Variants in CAP2 observed in about 807,000 individuals in gnomAD.
The protein encoded by CAP2 is cyclase associated actin cytoskeleton regulatory protein 2.
A neutral mutation model predicts 57.7 loss-of-function variants in CAP2; 24 were observed. The observed-to-expected ratio is 0.42, with a 90% CI of 0.30 to 0.58. The LOEUF is 0.58. CAP2 is among the 20% of genes least tolerant of loss of function. The pLI is 0.22. For synonymous variants in CAP2, 194 were observed against 207.2 expected (o/e 0.94, Z 0.55); for missense variants, 501 against 590.3 (o/e 0.85, Z 1.57).
intron 3 of CAP2, among the ~76,000 whole-genome samples, chr6:17,461,006 G>A (rs747463785): frequency 1.1e-4 from 17 of 152,176 alleles, no homozygotes; most frequent in African/African-American, 2.9e-4. Flanking sequence ...AAAGTTAGCC[G>A]AGTGTGGTGG....
At chr6:17,529,358 C>G (rs370826755) in intron 7 of CAP2, among the ~76,000 whole-genome samples, 3 of 151,686 alleles carry the variant, frequency 2.0e-5, no homozygotes, top group African/African-American at 7.3e-5. Flanking sequence ...TAAACACACT[C>G]TGTCTGGGCG....
intron 6 of CAP2, among the ~76,000 whole-genome samples, chr6:17,511,501 G>C (rs1305126667): frequency 6.6e-6 from 1 of 152,006 alleles, no homozygotes; most frequent in Admixed American, 6.6e-5. Flanking sequence ...ACCTAGGCTG[G>C]AGTGCAGTGA....
intron 4 of CAP2, among the ~76,000 whole-genome samples, chr6:17,496,921 G>A (rs187628820): frequency 6.6e-6 from 1 of 152,312 alleles, no homozygotes; most frequent in Admixed American, 6.5e-5. Flanking sequence ...TAAGAGGAGA[G>A]AGACAGTGAC....
At position 17,554,499 on chromosome 6, in the gene CAP2, C is replaced by G. The variant is rs1763248608; in HGVS notation, c.1351-1860C>G. 2.0e-5 allele frequency among the ~76,000 whole-genome samples: 3 copies of G among 152,272 alleles called. No homozygotes were observed. In the South Asian group the frequency reaches 6.2e-4, roughly 32 times the overall value. ...TCCCGAACTTCTGGGCTCAGAGGAT[C>G]TGCTGGCATCAGCCTCACAAAGTGC... On this transcript the variant is annotated intron_variant, in intron 12 of 12. Transcript: ENST00000229922.
chr6:17,413,571 A>C (rs1363256516), intron 1 of CAP2, among the ~76,000 whole-genome samples: 6 of 152,162 alleles, frequency 3.9e-5, no homozygotes, highest in Admixed American at 2.0e-4. Context: ...GAACTGACTG[A>C]TTGAGTGAAT....
intron 2 of CAP2, among the ~76,000 whole-genome samples, chr6:17,425,601 G>C (rs1759569131): frequency 6.6e-6 from 1 of 152,136 alleles, no homozygotes; most frequent in Non-Finnish European, 1.5e-5. Flanking sequence ...GCTGGGTTCA[G>C]GTTTTGGATC....
intron 7 of CAP2, chr6:17,531,624 C>G (rs948380282): frequency 1.6e-6 from 2 of 1,273,976 alleles, no homozygotes; most frequent in South Asian, 1.2e-5. Context: ...TTCTTCTCTT[C>G]TACACCTTCC....
intron 7 of CAP2, among the ~76,000 whole-genome samples, chr6:17,520,525 A>T (rs1762367342): frequency 1.3e-5 from 2 of 152,284 alleles, no homozygotes; most frequent in South Asian, 4.1e-4. Context: ...TGGTGGTTAC[A>T]ATTATAGACA....
At chr6:17,538,372 C>T (rs1352057796) in intron 7 of CAP2, among the ~76,000 whole-genome samples, 1 of 151,950 alleles carries the variant, frequency 6.6e-6, no homozygotes, top group Non-Finnish European at 1.5e-5. Context: ...AGGAGAATCG[C>T]TTGCGCCCAG....
In CAP2 at chr6:17,482,143, A is replaced by T. The variant is rs1761303200; in HGVS notation, c.300+19070A>T. Among the ~76,000 whole-genome samples, 7 of 152,272 alleles carry T rather than the reference A, an allele frequency of 4.6e-5. No individual in the cohort carries two copies. The South Asian group carries it at 1.4e-3, about 32-fold the overall frequency. The stretch of plus-strand genomic sequence containing the variant: ...CTTCCTTATTCTGTTTTGTAGGTGT[A>T]TTCGTCAGCTAGGGCTGCTGGAACA... On this transcript the variant is annotated intron_variant, in intron 4 of 12. Coordinates refer to ENST00000229922, the MANE Select transcript of CAP2 (RefSeq NM_006366.3).
chr6:17,485,018 C>CT (rs561364443), intron 4 of CAP2, among the ~76,000 whole-genome samples: 1 of 152,260 alleles, frequency 6.6e-6, no homozygotes, highest in African/African-American at 2.4e-5. Context: ...TGTCCGATTT[C>CT]TTTACTTGCA....
rs114265661 is a variant in CAP2, at chr6:17,481,644, T to C, written c.300+18571T>C. Among the ~76,000 whole-genome samples, 830 of 152,360 alleles carry C rather than the reference T, an allele frequency of 5.4e-3. 7 individuals are homozygous for C. The highest frequency in any genetic ancestry group is 0.019 in the African/African-American group (782 of 41,582). ...TATGTCCTTATAAATCTCTGTCTAG[T>C]TTTGTTTCCTACAGTGGCAAAATGG... On this transcript the variant is annotated intron_variant, in intron 4 of 12. Transcript: ENST00000229922.
At chr6:17,452,848 C>T (rs1261795720) in intron 3 of CAP2, among the ~76,000 whole-genome samples, 1 of 152,116 alleles carries the variant, frequency 6.6e-6, no homozygotes, top group Non-Finnish European at 1.5e-5. Flanking sequence ...CCTCACCTCA[C>T]CCGTAGTCTC....
At chr6:17,539,892 C>T (rs1029103732) in intron 8 of CAP2, among the ~76,000 whole-genome samples, 19 of 152,116 alleles carry the variant, frequency 1.2e-4, no homozygotes, top group Non-Finnish European at 7.4e-5. Flanking sequence ...CCAGCCTGGG[C>T]AACATAGTGA....
At chr6:17,495,343 T>A (rs1038761940) in intron 4 of CAP2, among the ~76,000 whole-genome samples, 2 of 152,178 alleles carry the variant, frequency 1.3e-5, no homozygotes, top group Non-Finnish European at 2.9e-5. Flanking sequence ...GGTAACAAAA[T>A]AACTCTCTTT....
intron 4 of CAP2, among the ~76,000 whole-genome samples, chr6:17,497,754 G>C (rs1279085355): frequency 6.6e-6 from 1 of 152,210 alleles, no homozygotes; most frequent in African/African-American, 2.4e-5. Context: ...TGCATGAATG[G>C]AAAAGATATG....
rs780374161 is a variant in CAP2 at position 17,542,853 on chromosome 6, G to C, written c.1019G>C (p.Arg340Thr). Residue 340 changes from arginine (R) to threonine (T), a missense_variant, in exon 10 of 13, where the codon AGG becomes ACG. Arg to Thr is a moderately conservative substitution (Grantham distance 71, BLOSUM62 -1). Transcript: ENST00000229922. ...TAATTCTAGGAGTACCAAGAGGACA[G>C]GAATGACCTTGTGATTTCAGAGACT... is the stretch of plus-strand genomic sequence containing the variant. ...KKWRVEYQED[R>T]NDLVISETEL... 6.2e-7 allele frequency: 1 copy of C among 1,612,000 alleles called. No homozygotes were observed. The highest frequency in any genetic ancestry group is 8.5e-7 in the Non-Finnish European group (1 of 1,178,362).
chr6:17,539,485 C>G, intron 8 of CAP2, 27 bp downstream of exon 8: 1 of 1,578,434 alleles, frequency 6.3e-7, no homozygotes, highest in Non-Finnish European at 8.7e-7. Context: ...GACCTTGAAG[C>G]TGCCTCCCTT....
chr6:17,454,430 T>C lies in CAP2; in HGVS notation c.223-8566T>C, dbSNP rs550798894. 6.6e-5 allele frequency among the ~76,000 whole-genome samples: 10 copies of C among 152,326 alleles called. 1 individual carries two copies. Among genetic ancestry groups the C allele is most frequent in the Admixed American group, 6.5e-4 (10 of 15,304 alleles). On this transcript the variant is annotated intron_variant, in intron 3 of 12. Coordinates refer to ENST00000229922, the MANE Select transcript of CAP2 (RefSeq NM_006366.3). ...CATAAGTGTCCAGGCGCTGGCTGAGTAGGGATGTGATGAGGCATTCTGTCC... is the reference window on the plus strand; with the variant it reads ...CATAAGTGTCCAGGCGCTGGCTGAGCAGGGATGTGATGAGGCATTCTGTCC...
Sources: allele counts gnomAD v4.1 joint callset (sites outside exome capture counted in the v4.1 genomes callset), GRCh38; gene constraint gnomAD v4.1.1; transcripts MANE v1.5; gene names NCBI Gene and HGNC (gene_info 2026-07-23, HGNC 2026-07-21).